Variants in CEP85L observed in about 807,000 individuals in gnomAD.
CEP85L encodes the protein centrosomal protein 85L, also known as centrosomal protein of 85 kDa-like.
In CEP85L, 60 loss-of-function variants were observed where a neutral mutation model predicts 100.3. The ratio of observed to expected loss-of-function variants is 0.60; its 90% CI spans 0.49 to 0.74. The LOEUF is 0.74. Among genes scored for constraint, CEP85L ranks in the 30% least tolerant of loss-of-function variants. The pLI is 0.00. For missense variants in CEP85L, 973 were observed against 936.2 expected (o/e 1.04, Z -0.51); for synonymous variants, 319 against 322.7 (o/e 0.99, Z 0.12).
chr6:118,517,676 T>C (rs1469230580), intron 4 of CEP85L, among the ~76,000 whole-genome samples: 1 of 152,256 alleles, frequency 6.6e-6, no homozygotes, highest in Non-Finnish European at 1.5e-5. Context: ...AATCATGTCA[T>C]CTGCAAACAG....
intron 1 of CEP85L, among the ~76,000 whole-genome samples, chr6:118,680,864 A>T (rs1776635522): frequency 1.5e-5 from 2 of 135,876 alleles, no homozygotes; most frequent in South Asian, 4.9e-4. Context: ...CGACACAGTG[A>T]GACCTTGTGT....
intron 1 of CEP85L, among the ~76,000 whole-genome samples, chr6:118,668,761 A>C (rs1213559034): frequency 1.3e-5 from 2 of 152,236 alleles, no homozygotes; most frequent in Non-Finnish European, 2.9e-5. Flanking sequence ...TAATTATTTT[A>C]AAACATATTT....
intron 1 of CEP85L, among the ~76,000 whole-genome samples, chr6:118,636,452 G>C (rs1299254651): frequency 2.8e-5 from 4 of 143,124 alleles, no homozygotes; most frequent in African/African-American, 1.2e-4. Context: ...TTATCCATAT[G>C]GTATGGAACT....
chr6:118,476,760 G>A lies in CEP85L; in HGVS notation c.1914+3111C>T, dbSNP rs540245951. 2.0e-5 allele frequency among the ~76,000 whole-genome samples: 3 copies of A among 152,286 alleles called. No homozygotes were observed. In the East Asian group the frequency reaches 5.8e-4, roughly 29 times the overall value. On this transcript the variant is annotated intron_variant, in intron 10 of 12. Coordinates refer to ENST00000368491, the MANE Select transcript of CEP85L (RefSeq NM_001042475.3). ...CCACGGCCAAGTAAACAGTCTTAAT[G>A]TCCTCTAACGTATTATTCTATCTTT... is the stretch of plus-strand genomic sequence containing the variant.
chr6:118,522,744 T>C (rs1231410171), intron 4 of CEP85L, among the ~76,000 whole-genome samples: 2 of 151,840 alleles, frequency 1.3e-5, no homozygotes, highest in African/African-American at 4.8e-5. Context: ...CCAGGTATGG[T>C]GGTGCACAGC....
intron 1 of CEP85L, among the ~76,000 whole-genome samples, chr6:118,708,644 A>G (rs980081618): frequency 6.6e-6 from 1 of 152,214 alleles, no homozygotes; most frequent in South Asian, 2.1e-4. Flanking sequence ...CTTGAAAGCT[A>G]TGTGTTGAAT....
intron 7 of CEP85L, 99 bp from the exon 8 acceptor site, chr6:118,482,032 T>TAA (rs35791512): frequency 1.0e-4 from 36 of 355,414 alleles, no homozygotes; most frequent in East Asian, 4.7e-4. Context: ...GACTTGTAGC[T>TAA]AAAAAAAAAA....
chr6:118,679,817 AT>A (rs905124782), intron 1 of CEP85L, among the ~76,000 whole-genome samples: 5 of 151,328 alleles, frequency 3.3e-5, no homozygotes, highest in South Asian at 4.2e-4. Flanking sequence ...TTGAAATCAC[AT>A]TTTTTTTTAA....
intron 3 of CEP85L, among the ~76,000 whole-genome samples, chr6:118,542,906 A>AAAAAAAAAAAAAAAAC (rs1777980854): frequency 6.9e-6 from 1 of 145,420 alleles, no homozygotes; most frequent in Non-Finnish European, 1.5e-5. Flanking sequence ...TTCCCAAAAA[A>AAAAAAAAAAAAAAAAC]AAAAAAAAAA....
intron 1 of CEP85L, among the ~76,000 whole-genome samples, chr6:118,648,732 A>G (rs1440136848): frequency 7.0e-6 from 1 of 142,846 alleles, no homozygotes; most frequent in East Asian, 2.0e-4. Context: ...ACAGAGAAAG[A>G]CTGTCTCAAA....
chr6:118,550,853 T>C (rs915320153), intron 3 of CEP85L, among the ~76,000 whole-genome samples: 2 of 151,938 alleles, frequency 1.3e-5, no homozygotes, highest in Non-Finnish European at 2.9e-5. Context: ...AATTTATGCA[T>C]AGCATTACAT....
At position 118,523,901 on chromosome 6, in the gene CEP85L, C is replaced by T. The variant is rs185836271; in HGVS notation, c.1040G>A (p.Arg347His). Residue 347 changes from arginine to histidine, a missense_variant, in exon 4 of 13, where the codon CGT (arginine) becomes CAT (histidine). Physicochemically the swap from Arg to His is conservative, Grantham distance 29 (BLOSUM62 0). Transcript: ENST00000368491. ...CTGATAGCCAGGTGAATAACTTTGA[C>T]GAGATGATCCAGTCAAAACCTGCAG... ...TPMQVLTGSSRQSYSPGYQDF... is the reference protein window; with the variant it reads ...TPMQVLTGSSHQSYSPGYQDF... 3.4e-5 allele frequency: 54 copies of T among 1,595,612 alleles called. No homozygotes were observed. The Admixed American group carries it at 4.5e-4, about 13-fold the overall frequency.
chr6:118,469,307 C>A lies in CEP85L; in HGVS notation c.2023-4G>T, dbSNP rs375443089. 6.2e-7 allele frequency: 1 copy of A among 1,608,786 alleles called. No homozygotes were observed. The highest frequency in any genetic ancestry group is 1.3e-5 in the African/African-American group (1 of 74,716). ...TCTCATCTGTTTGTCTTTGGTTCTG[C>A]AAGGATAAAGAAAACAAACATCAGA... On this transcript the variant is annotated splice_polypyrimidine_tract_variant and splice_region_variant and intron_variant, in intron 11 of 12. Transcript: ENST00000368491.
At chr6:118,664,874 G>A (rs1776083275) in intron 1 of CEP85L, among the ~76,000 whole-genome samples, 1 of 152,160 alleles carries the variant, frequency 6.6e-6, no homozygotes, top group Non-Finnish European at 1.5e-5. Flanking sequence ...ATAACTGCAT[G>A]TTTTTAGGAC....
intron 2 of CEP85L, among the ~76,000 whole-genome samples, chr6:118,620,227 T>C (rs1182862782): frequency 1.3e-5 from 2 of 152,112 alleles, no homozygotes; most frequent in African/African-American, 2.4e-5. Flanking sequence ...GCGGCCAATA[T>C]TAGGAGAAAA....
Position 118,463,176 on chromosome 6 carries a change from T to G in CEP85L, c.*2229A>C, listed in dbSNP as rs1362398782. 4 of 151,876 alleles carry G rather than the reference T, an allele frequency of 2.6e-5. No individual in the cohort carries two copies. Among genetic ancestry groups the G allele is most frequent in the Non-Finnish European group, 5.9e-5 (4 of 67,890 alleles). The allele number at this position is 151,876 out of a possible 1,614,324, so 9.4% of individuals were successfully genotyped here. The stretch of plus-strand genomic sequence containing the variant: ...TTTAGAAAGCTAACTTACAAATAAA[T>G]TATTTTATCCCCAACTAAGCCAAAA... On this transcript the variant is annotated 3_prime_UTR_variant, in exon 13 of 13. Transcript: ENST00000368491.
At chr6:118,660,397 A>C (rs546273572) in intron 1 of CEP85L, among the ~76,000 whole-genome samples, 1 of 152,362 alleles carries the variant, frequency 6.6e-6, no homozygotes, top group African/African-American at 2.4e-5. Flanking sequence ...CCAGCTGTGG[A>C]GTACTGCTGC....
chr6:118,465,890 G>C (rs959799099), intron 12 of CEP85L, among the ~76,000 whole-genome samples: 11 of 152,170 alleles, frequency 7.2e-5, no homozygotes, highest in Admixed American at 2.0e-4. Context: ...AGAGCACTCA[G>C]TTTTTCCCAT....
chr6:118,651,776 C>A (rs953732079), upstream of CEP85L: 29 of 986,118 alleles, frequency 2.9e-5, no homozygotes, highest in Non-Finnish European at 3.5e-5. Flanking sequence ...GCTGTCCCGC[C>A]CTCCCGCCGC....
Sources: allele counts gnomAD v4.1 joint callset (sites outside exome capture counted in the v4.1 genomes callset), GRCh38; gene constraint gnomAD v4.1.1; transcripts MANE v1.5; gene names NCBI Gene and HGNC (gene_info 2026-07-23, HGNC 2026-07-21).